ABTB3: variants seen among roughly 807,000 people sequenced by gnomAD.
The protein encoded by ABTB3 is ankyrin repeat- and BTB/POZ domain-containing protein 3.
At chr12:107,609,926 A>G in the ABTB3 span, 2 of 442,494 alleles carry the variant, frequency 4.5e-6, no homozygotes, top group Non-Finnish European at 8.3e-6. Flanking sequence ...TGCCTAGTCC[A>G]TAGTAAATAT....
the ABTB3 span, among the ~76,000 whole-genome samples, chr12:107,502,374 T>C: frequency 3.3e-5 from 5 of 151,986 alleles, no homozygotes; most frequent in African/African-American, 7.2e-5. Context: ...CCAGCCAGCA[T>C]TGGTACTTTT....
the ABTB3 span, chr12:107,581,104 T>A: frequency 6.5e-7 from 1 of 1,543,308 alleles, no homozygotes; most frequent in Non-Finnish European, 8.7e-7. Flanking sequence ...AGCCCCTGCC[T>A]CCGGGGAGGC....
chr12:107,583,241 T>C, the ABTB3 span, among the ~76,000 whole-genome samples: 1 of 152,254 alleles, frequency 6.6e-6, no homozygotes, highest in African/African-American at 2.4e-5. Flanking sequence ...AAAGCGGTCA[T>C]TTTTAACTAA....
chr12:107,502,915 G>A, the ABTB3 span, among the ~76,000 whole-genome samples: 1 of 152,178 alleles, frequency 6.6e-6, no homozygotes, highest in East Asian at 1.9e-4. Flanking sequence ...TTGCTAAAAA[G>A]GCTGGGGACC....
chr12:107,635,526 A>C, the ABTB3 span: 2 of 623,016 alleles, frequency 3.2e-6, no homozygotes, highest in East Asian at 3.0e-5. Context: ...AGGCCGGGGG[A>C]GATCAGAATT....
At chr12:107,416,300 T>G in the ABTB3 span, among the ~76,000 whole-genome samples, 1 of 152,192 alleles carries the variant, frequency 6.6e-6, no homozygotes. Context: ...ATGCTCTTCC[T>G]TCCTTTTATT....
At chr12:107,642,283 G>C in the ABTB3 span, 8 of 944,328 alleles carry the variant, frequency 8.5e-6, no homozygotes, top group South Asian at 1.1e-4. Flanking sequence ...GGAATGAGCT[G>C]TCAGTCTCCT....
chr12:107,500,011 T>C, the ABTB3 span, among the ~76,000 whole-genome samples: 1 of 152,052 alleles, frequency 6.6e-6, no homozygotes, highest in Admixed American at 6.5e-5. Context: ...ACCATCAGAT[T>C]TCATGAGAGC....
At chr12:107,494,304 C>G in the ABTB3 span, among the ~76,000 whole-genome samples, 4 of 152,134 alleles carry the variant, frequency 2.6e-5, no homozygotes, top group South Asian at 8.3e-4. Context: ...CCTGCTGAGT[C>G]CCTCACCCCA....
chr12:107,368,951 C>T, the ABTB3 span, among the ~76,000 whole-genome samples: 1 of 152,058 alleles, frequency 6.6e-6, no homozygotes, highest in Admixed American at 6.6e-5. Context: ...TTTCTTTTCT[C>T]ATTGATTTAT....
At chr12:107,512,498 A>C in the ABTB3 span, among the ~76,000 whole-genome samples, 2 of 152,220 alleles carry the variant, frequency 1.3e-5, no homozygotes, top group Non-Finnish European at 2.9e-5. Context: ...CTTGCCTATC[A>C]GTTCCTGGGT....
the ABTB3 span, among the ~76,000 whole-genome samples, chr12:107,581,503 C>T: frequency 6.6e-6 from 1 of 152,170 alleles, no homozygotes; most frequent in Non-Finnish European, 1.5e-5. Context: ...TGAAAGAACG[C>T]GGCGAGGCCC....
chr12:107,384,305 GC>G, the ABTB3 span, among the ~76,000 whole-genome samples: 1 of 152,192 alleles, frequency 6.6e-6, no homozygotes, highest in Non-Finnish European at 1.5e-5. Flanking sequence ...AACTCAAGCA[GC>G]CTGGCTCCAC....
chr12:107,529,293 G>GAGA, the ABTB3 span, among the ~76,000 whole-genome samples: 1 of 149,744 alleles, frequency 6.7e-6, no homozygotes, highest in East Asian at 2.0e-4. Context: ...GATGATGATG[G>GAGA]TGATGGTGAT....
chr12:107,488,576 T>C, the ABTB3 span, among the ~76,000 whole-genome samples: 1 of 152,040 alleles, frequency 6.6e-6, no homozygotes, highest in Non-Finnish European at 1.5e-5. Context: ...CTAAACACTT[T>C]GAACTTTTGT....
chr12:107,624,387 A>C, the ABTB3 span, among the ~76,000 whole-genome samples: 1 of 152,116 alleles, frequency 6.6e-6, no homozygotes, highest in African/African-American at 2.4e-5. Context: ...TATCTTGCAA[A>C]ACTATGGTAA....
the ABTB3 span, among the ~76,000 whole-genome samples, chr12:107,547,053 G>A: frequency 2.0e-5 from 3 of 152,076 alleles, no homozygotes; most frequent in African/African-American, 7.2e-5. Flanking sequence ...AATTAGCTGG[G>A]TGTGGTGGTG....
chr12:107,613,680 G>A, the ABTB3 span, among the ~76,000 whole-genome samples: 18 of 152,068 alleles, frequency 1.2e-4, no homozygotes, highest in African/African-American at 3.9e-4. Context: ...CCCCAACCTC[G>A]TCATAGGTGA....
the ABTB3 span, among the ~76,000 whole-genome samples, chr12:107,528,865 G>C: frequency 1.3e-5 from 2 of 151,284 alleles, no homozygotes; most frequent in Non-Finnish European, 3.0e-5. Context: ...GATGATTATG[G>C]TGATAGTGAT....
Sources: gnomAD v4.1 joint callset for allele counts (sites outside exome capture counted in the v4.1 genomes callset) on GRCh38, gnomAD v4.1.1 for gene constraint, MANE v1.5 for transcripts, NCBI Gene and HGNC (gene_info 2026-07-23, HGNC 2026-07-21) for gene names.